Variants in BLTP1 observed in about 807,000 individuals in gnomAD.
BLTP1 encodes fragile site-associated protein.
chr4:122,164,763 T>TA, the BLTP1 span, among the ~76,000 whole-genome samples: 4,351 of 152,242 alleles, frequency 0.029, 138 homozygotes, highest in African/African-American at 0.081. Context: ...TATTTTATTT[T>TA]TTTTTTTGCA....
chr4:122,173,209 T>TG, the BLTP1 span: 1 of 1,567,014 alleles, frequency 6.4e-7, no homozygotes, highest in South Asian at 1.2e-5. Flanking sequence ...GATGTTGTCT[T>TG]ACCATTTTTT....
the BLTP1 span, among the ~76,000 whole-genome samples, chr4:122,202,746 C>T: frequency 2.0e-5 from 3 of 151,966 alleles, no homozygotes; most frequent in Admixed American, 1.3e-4. Flanking sequence ...TTATTTTGTA[C>T]TAGCACTTTC....
the BLTP1 span, chr4:122,197,379 C>A: frequency 2.0e-6 from 2 of 1,008,446 alleles, no homozygotes; most frequent in African/African-American, 1.7e-5. Context: ...TTTTCTTTTT[C>A]AGTTTTTTAA....
the BLTP1 span, chr4:122,219,331 T>C: frequency 1.9e-6 from 3 of 1,608,722 alleles, no homozygotes; most frequent in Admixed American, 1.7e-5. Flanking sequence ...GTTTTCTTAA[T>C]ATTTATAGGA....
the BLTP1 span, chr4:122,263,202 A>G: frequency 1.0e-6 from 1 of 985,174 alleles, no homozygotes; most frequent in Non-Finnish European, 1.2e-6. Flanking sequence ...GACGAATGTC[A>G]ATGTAGGCAT....
At chr4:122,167,674 C>T in the BLTP1 span, 10 of 985,378 alleles carry the variant, frequency 1.0e-5, no homozygotes, top group Non-Finnish European at 1.2e-5. Context: ...TTTTGACACC[C>T]TTAGGTGCTG....
At chr4:122,247,158 A>T in the BLTP1 span, 2 of 1,602,126 alleles carry the variant, frequency 1.2e-6, no homozygotes, top group Non-Finnish European at 1.7e-6. Context: ...TTTCATAAAG[A>T]GGTGTGGTTG....
chr4:122,189,601 A>G, the BLTP1 span: 1 of 909,220 alleles, frequency 1.1e-6, no homozygotes, highest in Non-Finnish European at 1.3e-6. Flanking sequence ...ATTTTGTTGT[A>G]AATGCAGAAT....
chr4:122,325,126 A>C, the BLTP1 span: 1 of 1,158,696 alleles, frequency 8.6e-7, no homozygotes, highest in Non-Finnish European at 1.2e-6. Flanking sequence ...GATTAGGTAA[A>C]TACTTACAAA....
the BLTP1 span, among the ~76,000 whole-genome samples, chr4:122,159,917 G>A: frequency 6.6e-6 from 1 of 152,192 alleles, no homozygotes; most frequent in Non-Finnish European, 1.5e-5. Flanking sequence ...GTTAACAGGT[G>A]AAATTGTGTT....
At chr4:122,207,383 T>C in the BLTP1 span, 1 of 1,386,784 alleles carries the variant, frequency 7.2e-7, no homozygotes, top group Admixed American at 2.5e-5. Context: ...CCCCCCATTA[T>C]CTTTGTGAGA....
chr4:122,215,350 AG>A, the BLTP1 span: 1 of 971,970 alleles, frequency 1.0e-6, no homozygotes, highest in Non-Finnish European at 1.2e-6. Context: ...ACAGACTACA[AG>A]GGAATTTTTA....
At chr4:122,333,950 G>A in the BLTP1 span, 1 of 1,068,090 alleles carries the variant, frequency 9.4e-7, no homozygotes, top group Middle Eastern at 2.4e-4. Flanking sequence ...ATTCTGGACA[G>A]AAGAACATCA....
chr4:122,209,750 A>C, the BLTP1 span: 1 of 1,547,086 alleles, frequency 6.5e-7, no homozygotes, highest in Non-Finnish European at 8.7e-7. Flanking sequence ...GATTATCTGC[A>C]ACTGGTATCT....
the BLTP1 span, chr4:122,314,053 T>A: frequency 2.1e-6 from 2 of 966,990 alleles, no homozygotes; most frequent in Non-Finnish European, 1.2e-6. Context: ...GCTATTGAAA[T>A]GTATAAAAAG....
chr4:122,322,455 C>T, the BLTP1 span, among the ~76,000 whole-genome samples: 2 of 152,006 alleles, frequency 1.3e-5, no homozygotes, highest in Non-Finnish European at 1.5e-5. Flanking sequence ...GAGCCCTTGG[C>T]ATAGTAATCA....
chr4:122,305,034 A>G, the BLTP1 span: 99 of 1,516,002 alleles, frequency 6.5e-5, no homozygotes, highest in Middle Eastern at 7.0e-4. Context: ...AATTTTGCAC[A>G]TCAATTTTAA....
the BLTP1 span, chr4:122,343,805 G>A: frequency 8.4e-6 from 4 of 473,708 alleles, no homozygotes; most frequent in Admixed American, 1.9e-4. Flanking sequence ...AATTATACAA[G>A]AATTTTAAAA....
At chr4:122,183,640 A>T in the BLTP1 span, 1 of 390,360 alleles carries the variant, frequency 2.6e-6, no homozygotes, top group African/African-American at 2.2e-5. Context: ...TCTACAAGTT[A>T]CAATCACAGG....
Sources: gnomAD v4.1 joint callset for allele counts (sites outside exome capture counted in the v4.1 genomes callset) on GRCh38, gnomAD v4.1.1 for gene constraint, MANE v1.5 for transcripts, NCBI Gene and HGNC (gene_info 2026-07-23, HGNC 2026-07-21) for gene names.